SLX4IP: variants seen among roughly 807,000 people sequenced by gnomAD.
SLX4IP encodes the protein protein SLX4IP.
A neutral mutation model predicts 32.9 loss-of-function variants in SLX4IP; 34 were observed. That is an observed-to-expected ratio of 1.03 (90% CI 0.79 to 1.38). SLX4IP has a LOEUF of 1.38. Ranked by LOEUF, SLX4IP falls within the 40% of genes most tolerant of loss-of-function variation. The pLI, the probability that SLX4IP is intolerant of heterozygous loss-of-function variation, is 0.00. For missense variants in SLX4IP, 444 were observed against 479.0 expected, an observed-to-expected ratio of 0.93 and a Z score of 0.68; for synonymous variants, 172 against 171.7, an observed-to-expected ratio of 1.00 and a Z score of -0.01.
At chr20:10,532,584 C>T (rs74940206) in intron 2 of SLX4IP, among the ~76,000 whole-genome samples, 2,576 of 152,154 alleles carry the variant, frequency 0.017, 55 homozygotes, top group African/African-American at 0.048. Flanking sequence ...ATCTCTAGTC[C>T]TCACTTCACC....
intron 1 of SLX4IP, among the ~76,000 whole-genome samples, chr20:10,448,945 C>T (rs916271244): frequency 2.0e-5 from 3 of 152,126 alleles, no homozygotes; most frequent in Admixed American, 6.5e-5. Context: ...TTTCACCCAG[C>T]AGGCTTTTCT....
chr20:10,520,348 C>G (rs1466247389), intron 2 of SLX4IP, among the ~76,000 whole-genome samples: 2 of 151,864 alleles, frequency 1.3e-5, no homozygotes, highest in Non-Finnish European at 2.9e-5. Flanking sequence ...CTGCGCCCGG[C>G]CCTTGTGCCC....
chr20:10,446,072 C>T (rs1049921590), intron 1 of SLX4IP, among the ~76,000 whole-genome samples: 1 of 151,308 alleles, frequency 6.6e-6, no homozygotes, highest in Admixed American at 6.6e-5. Flanking sequence ...ACCATTCACA[C>T]GTTGAAGGAT....
At chr20:10,568,198 A>C (rs150886887) in intron 4 of SLX4IP, among the ~76,000 whole-genome samples, 1 of 152,216 alleles carries the variant, frequency 6.6e-6, no homozygotes, top group Non-Finnish European at 1.5e-5. Flanking sequence ...AATACACGCC[A>C]CCTTGTGCTG....
intron 4 of SLX4IP, among the ~76,000 whole-genome samples, chr20:10,563,475 T>A (rs1439968339): frequency 6.6e-6 from 1 of 152,226 alleles, no homozygotes; most frequent in Non-Finnish European, 1.5e-5. Flanking sequence ...ATAAAATCCT[T>A]GCCTAGACCA....
intron 4 of SLX4IP, among the ~76,000 whole-genome samples, chr20:10,563,335 T>G (rs767308960): frequency 6.6e-6 from 1 of 152,272 alleles, no homozygotes; most frequent in Non-Finnish European, 1.5e-5. Flanking sequence ...TTGCAAATAC[T>G]GTCTTCCATT....
At chr20:10,447,026 G>C (rs938012863) in intron 1 of SLX4IP, among the ~76,000 whole-genome samples, 2 of 152,062 alleles carry the variant, frequency 1.3e-5, no homozygotes, top group African/African-American at 4.8e-5. Context: ...CCTCTGAAAG[G>C]TTTTAGTTTC....
At position 10,598,675 on chromosome 20, in the gene SLX4IP, GTTATGGCTTTCAAA is replaced by G; in HGVS notation, c.241_254del (p.Tyr81HisfsTer21). ...AGTGATGTTCCCTTTCACTTTCCAG[GTTATGGCTTTCAAA>G]TCACAGCCTATTTCCTCAAGAGAGG... On this transcript the variant is annotated frameshift_variant and splice_region_variant, in exon 5 of 8. Coordinates refer to ENST00000334534, the MANE Select transcript of SLX4IP (RefSeq NM_001009608.3). LOFTEE classifies it high-confidence loss of function. 1.2e-6 allele frequency: 2 copies of G among 1,614,022 alleles called. No individual in the cohort carries two copies. Among genetic ancestry groups the G allele is most frequent in the Non-Finnish European group, 1.7e-6 (2 of 1,179,912 alleles).
At chr20:10,517,866 G>T (rs1195649379) in intron 2 of SLX4IP, among the ~76,000 whole-genome samples, 1 of 152,120 alleles carries the variant, frequency 6.6e-6, no homozygotes, top group East Asian at 1.9e-4. Context: ...TCAAATAAGG[G>T]ATTTGCTATA....
rs1056940618 is a variant in SLX4IP at position 10,625,659 on chromosome 20, C to T, written c.*2280C>T. The T allele has an allele frequency of 2.8e-4, 42 of 152,130 alleles. No individual in the cohort carries two copies. Among genetic ancestry groups the T allele is most frequent in the African/African-American group, 9.2e-4 (38 of 41,398 alleles). The allele number at this position is 152,130 out of a possible 1,614,324, so 9.4% of individuals were successfully genotyped here. A position where few individuals can be genotyped will look rare whatever the true frequency, so the allele number is the denominator to read the frequency against. ...GAGTTTGTTATAGTTGGGGATATAA[C>T]AATTACTGTGATCGAAGAGAAAAAA... On this transcript the variant is annotated 3_prime_UTR_variant, in exon 8 of 8. Coordinates refer to ENST00000334534, the MANE Select transcript of SLX4IP (RefSeq NM_001009608.3).
At chr20:10,593,131 A>G (rs898017927) in intron 4 of SLX4IP, among the ~76,000 whole-genome samples, 13 of 152,180 alleles carry the variant, frequency 8.5e-5, no homozygotes, top group African/African-American at 3.1e-4. Context: ...CCGGGTTAGC[A>G]CATAGTAATC....
chr20:10,483,634 A>G (rs2065545351), intron 2 of SLX4IP, among the ~76,000 whole-genome samples: 1 of 132,842 alleles, frequency 7.5e-6, no homozygotes, highest in African/African-American at 2.7e-5. Context: ...ACATATTAAA[A>G]TCCTGACTAT....
At chr20:10,545,742 C>T (rs1047776649) in intron 2 of SLX4IP, among the ~76,000 whole-genome samples, 1 of 152,176 alleles carries the variant, frequency 6.6e-6, no homozygotes, top group African/African-American at 2.4e-5. Flanking sequence ...ATCAAAGACA[C>T]TTTGGTTCCA....
chr20:10,455,973 A>T (rs2122339528), intron 1 of SLX4IP, among the ~76,000 whole-genome samples: 1 of 152,212 alleles, frequency 6.6e-6, no homozygotes, highest in East Asian at 1.9e-4. Context: ...CAAAATACGA[A>T]ATCCTCCAAA....
Position 10,556,230 on chromosome 20 carries a change from G to T in SLX4IP, c.28-1G>T. On this transcript the variant is annotated splice_acceptor_variant, in intron 2 of 7. Coordinates refer to ENST00000334534, the MANE Select transcript of SLX4IP (RefSeq NM_001009608.3). LOFTEE classifies it high-confidence loss of function. ...CTGACTCTGCCATTAATGTCTTTCA[G>T]TGTGGGAATTTTGCTGTCCTCGTGG... The T allele has an allele frequency of 6.2e-7, 1 of 1,613,188 alleles. No individual in the cohort carries two copies. Among genetic ancestry groups the T allele is most frequent in the Non-Finnish European group, 8.5e-7 (1 of 1,179,682 alleles).
intron 2 of SLX4IP, among the ~76,000 whole-genome samples, chr20:10,532,177 A>C (rs552145541): frequency 6.6e-6 from 1 of 152,242 alleles, no homozygotes; most frequent in South Asian, 2.1e-4. Flanking sequence ...GTGGTATGGG[A>C]AAATATAAGA....
chr20:10,601,783 C>G lies in SLX4IP; in HGVS notation c.369C>G (p.Phe123Leu). The G allele has an allele frequency of 6.2e-7, 1 of 1,613,940 alleles. No individual in the cohort carries two copies. The highest frequency in any genetic ancestry group is 8.5e-7 in the Non-Finnish European group (1 of 1,179,916). The change falls in exon 6 of 8, where the codon TTC (phenylalanine) becomes TTG (leucine). Residue 123 changes from phenylalanine (F) to leucine (L), a missense_variant. Phe to Leu is a conservative substitution (Grantham distance 22). Coordinates refer to ENST00000334534, the MANE Select transcript of SLX4IP (RefSeq NM_001009608.3). ...RFVVCVSQLAFSRDLLASQNE... is the reference protein window; with the variant it reads ...RFVVCVSQLALSRDLLASQNE... ...TGGTTTGTGTCAGTCAGCTTGCATT[C>G]AGTCGTGATCTTTTAGCAAGTCAGA... is the stretch of plus-strand genomic sequence containing the variant.
intron 2 of SLX4IP, among the ~76,000 whole-genome samples, chr20:10,490,535 A>T (rs1022694686): frequency 6.6e-6 from 1 of 152,096 alleles, no homozygotes; most frequent in Non-Finnish European, 1.5e-5. Flanking sequence ...CTGGTCACTC[A>T]GTTAGTTTGT....
Position 10,452,280 on chromosome 20 carries a change from C to T in SLX4IP, c.-29-5896C>T, listed in dbSNP as rs183194785. Among the ~76,000 whole-genome samples, 295 of 152,204 alleles carry T rather than the reference C, an allele frequency of 1.9e-3. 1 individual carries two copies. Among genetic ancestry groups the T allele is most frequent in the African/African-American group, 6.4e-3 (267 of 41,524 alleles). ...GCGTGGTGGCTCCCACGTATAATCCCAGCACTTTGGGAGGCTGAGGCTGGT... is the reference window on the plus strand; with the variant it reads ...GCGTGGTGGCTCCCACGTATAATCCTAGCACTTTGGGAGGCTGAGGCTGGT... On this transcript the variant is annotated intron_variant, in intron 1 of 7. Coordinates refer to ENST00000334534, the MANE Select transcript of SLX4IP (RefSeq NM_001009608.3).
Sources: allele counts gnomAD v4.1 joint callset (sites outside exome capture counted in the v4.1 genomes callset), GRCh38; gene constraint gnomAD v4.1.1; transcripts MANE v1.5; gene names NCBI Gene and HGNC (gene_info 2026-07-23, HGNC 2026-07-21).